Variants in DGKD observed in about 807,000 individuals in gnomAD.
DGKD encodes diacylglycerol kinase delta.
Under a neutral mutation model 154.4 loss-of-function variants are expected in DGKD, and 68 were observed. That is an observed-to-expected ratio of 0.44 (90% CI 0.36 to 0.54). The LOEUF (loss-of-function observed/expected upper bound fraction) is 0.54. DGKD is among the 20% of genes least tolerant of loss of function. The pLI, the probability that DGKD is intolerant of heterozygous loss-of-function variation, is 0.00. For synonymous variants in DGKD, 693 were observed against 638.0 expected (o/e 1.09, Z -1.30); for missense variants, 1,343 against 1,593.6 (o/e 0.84, Z 2.68).
intron 3 of DGKD, among the ~76,000 whole-genome samples, chr2:233,397,165 G>C (rs187986639): frequency 3.5e-5 from 3 of 85,334 alleles, no homozygotes; most frequent in Non-Finnish European, 6.7e-5. Context: ...CTGCGGGGGG[G>C]GCCAGAGTGA....
At chr2:233,356,206 C>T (rs756330411) in intron 1 of DGKD, among the ~76,000 whole-genome samples, 3 of 152,190 alleles carry the variant, frequency 2.0e-5, no homozygotes, top group Non-Finnish European at 4.4e-5. Flanking sequence ...TTGAACCTTG[C>T]GTCTAGAGCT....
intron 1 of DGKD, among the ~76,000 whole-genome samples, chr2:233,377,985 A>AT (rs1302003009): frequency 1.3e-5 from 2 of 151,650 alleles, no homozygotes; most frequent in East Asian, 3.9e-4. Context: ...AATTATTATT[A>AT]TTTTTTGTAG....
At position 233,379,234 on chromosome 2, in the gene DGKD, T is replaced by G. The variant is rs180925243; in HGVS notation, c.157-9023T>G. 3.7e-3 allele frequency among the ~76,000 whole-genome samples: 561 copies of G among 152,068 alleles called. 1 individual carries two copies. The highest frequency in any genetic ancestry group is 5.0e-3 in the Non-Finnish European group (342 of 67,978). On this transcript the variant is annotated intron_variant, in intron 1 of 29. Coordinates refer to ENST00000264057, the MANE Select transcript of DGKD (RefSeq NM_152879.3). ...GTCTGGGAAGACTTCCCGAAGGTGG[T>G]GGTATTTGACTTGGGTCTCAAAGCT...
intron 3 of DGKD, among the ~76,000 whole-genome samples, chr2:233,394,691 CTTTTTTTTTTTT>C (rs1162430401): frequency 5.3e-4 from 14 of 26,382 alleles, no homozygotes; most frequent in Middle Eastern, 0.025. Context: ...ATTTAATTCC[CTTTTTTTTTTTT>C]TTTTTTTTTT....
rs768824144 is a variant in DGKD, at chr2:233,451,980, G to A, written c.2184G>A (p.Met728Ile). ...KILYPNVRAG[M>I]SGSLPGGSVI... is the part of the protein sequence containing the mutation. ...CCTTTACAGATGTCCGGGCTGGAAT[G>A]TCTGGTTCCTTACCCGGTGGCTCAG... is the stretch of plus-strand genomic sequence containing the variant. The change falls in exon 18 of 30, where the codon ATG (methionine) becomes ATA (isoleucine). Residue 728 changes from methionine (M) to isoleucine (I), a missense_variant. Met to Ile is a conservative substitution (Grantham distance 10). Transcript: ENST00000264057. 1.9e-6 allele frequency: 3 copies of A among 1,614,018 alleles called. No homozygotes were observed. Among genetic ancestry groups the A allele is most frequent in the South Asian group, 2.2e-5 (2 of 91,084 alleles).
chr2:233,438,422 T>C lies in DGKD; in HGVS notation c.1085+43T>C, dbSNP rs758802900. 4 of 1,566,870 alleles carry C rather than the reference T, an allele frequency of 2.6e-6. No homozygotes were observed. Among genetic ancestry groups the C allele is most frequent in the Non-Finnish European group, 3.5e-6 (4 of 1,154,808 alleles). ...TATATCTTTCTTGGAGTTTTAAAAATTGTGTAGATAGTGTGTGCTTGTTAA... is the reference window on the plus strand; with the variant it reads ...TATATCTTTCTTGGAGTTTTAAAAACTGTGTAGATAGTGTGTGCTTGTTAA... On this transcript the variant is annotated intron_variant, in intron 9 of 29. Coordinates refer to ENST00000264057, the MANE Select transcript of DGKD (RefSeq NM_152879.3). This position sits in a 1 kb window ranked among gnomAD's most constrained non-coding sequence, Gnocchi z 4.1.
rs1047174948 is a variant in DGKD at position 233,438,378 on chromosome 2, G to A, written c.1084G>A (p.Gly362Ser). 6.2e-7 allele frequency: 1 copy of A among 1,606,388 alleles called. No individual in the cohort carries two copies. Among genetic ancestry groups the A allele is most frequent in the Non-Finnish European group, 8.5e-7 (1 of 1,175,368 alleles). ...CCTCATGAACGGAGGCCCACACCTCGGGTAGGAAGCTTGTAAAATATATCT... is the reference window on the plus strand; with the variant it reads ...CCTCATGAACGGAGGCCCACACCTCAGGTAGGAAGCTTGTAAAATATATCT... Reference protein sequence around the residue: ...FDLMNGGPHLGLRLFQKFDTF... With the variant: ...FDLMNGGPHLSLRLFQKFDTF... Residue 362 changes from glycine (G) to serine (S), a missense_variant and splice_region_variant, in exon 9 of 30, where the codon GGC becomes AGC. Physicochemically the swap from Gly to Ser is moderately conservative, Grantham distance 56 (BLOSUM62 0). Coordinates refer to ENST00000264057, the MANE Select transcript of DGKD (RefSeq NM_152879.3). The surrounding 1 kb of genome is among the most constrained non-coding windows in gnomAD (Gnocchi z 4.1).
chr2:233,427,132 ACTC>A lies in DGKD; in HGVS notation c.349-7241_349-7239del, dbSNP rs1417759741. Among the ~76,000 whole-genome samples, 6 of 151,074 alleles carry A rather than the reference ACTC, an allele frequency of 4.0e-5. No individual in the cohort carries two copies. The South Asian group carries it at 1.1e-3, about 26-fold the overall frequency. ...GAGAAATGCATCCACCATTTTATCC[ACTC>A]CTCCTCTGTGACATCACGTTTCTTT... On this transcript the variant is annotated intron_variant, in intron 3 of 29. Transcript: ENST00000264057.
chr2:233,376,051 T>C (rs1156433759), intron 1 of DGKD, among the ~76,000 whole-genome samples: 1 of 152,160 alleles, frequency 6.6e-6, no homozygotes, highest in East Asian at 1.9e-4. Context: ...TTTTGTTCTG[T>C]AGGTTTCGCA....
intron 3 of DGKD, among the ~76,000 whole-genome samples, chr2:233,405,195 G>A (rs1388133075): frequency 1.3e-5 from 2 of 152,238 alleles, no homozygotes; most frequent in African/African-American, 4.8e-5. Flanking sequence ...TGAAGCGCCA[G>A]TGCAACAGTA....
At chr2:233,423,395 A>G (rs976617948) in intron 3 of DGKD, among the ~76,000 whole-genome samples, 2 of 152,118 alleles carry the variant, frequency 1.3e-5, no homozygotes, top group Non-Finnish European at 2.9e-5. Flanking sequence ...CACTTTCTCC[A>G]TATTCTCTCC....
chr2:233,370,587 T>TTGTTGTTG (rs1702269313), intron 1 of DGKD, among the ~76,000 whole-genome samples: 3 of 150,868 alleles, frequency 2.0e-5, no homozygotes, highest in African/African-American at 7.3e-5. Context: ...TTTTTTTTTT[T>TTGTTGTTG]TTGTTTGAGT....
rs1355139604 is a variant in DGKD, at chr2:233,438,022, CAGAT to C, written c.923-194_923-191del. On this transcript the variant is annotated intron_variant, in intron 8 of 29. Transcript: ENST00000264057. This position sits in a 1 kb window ranked among gnomAD's most constrained non-coding sequence, Gnocchi z 4.1. ...TTGGACAGCTTGTGAATGTGGAGGT[CAGAT>C]GGATGGGGCTCCCGGCCTCACACAT... Among the ~76,000 whole-genome samples, 1 of 152,164 alleles carries C rather than the reference CAGAT, an allele frequency of 6.6e-6. No homozygotes were observed. Among genetic ancestry groups the C allele is most frequent in the African/African-American group, 2.4e-5 (1 of 41,416 alleles).
rs1575023951 is a variant in DGKD, at chr2:233,390,561, C to G, written c.348+78C>G. 5 of 1,074,080 alleles carry G rather than the reference C, an allele frequency of 4.7e-6. No homozygotes were observed. The East Asian group carries it at 9.7e-5, about 21-fold the overall frequency. 66.5% of individuals were successfully genotyped at this position (1,074,080 alleles called of 1,614,324 possible). A position where few individuals can be genotyped will look rare whatever the true frequency, so the allele number is the denominator to read the frequency against. ...TTTTTGATCTGAACATGTGTCCAAGCAGTTCAAACGTTTTCATTCTTTTCT... is the reference window on the plus strand; with the variant it reads ...TTTTTGATCTGAACATGTGTCCAAGGAGTTCAAACGTTTTCATTCTTTTCT... On this transcript the variant is annotated intron_variant, in intron 3 of 29. Transcript: ENST00000264057.
intron 3 of DGKD, among the ~76,000 whole-genome samples, chr2:233,410,294 C>T (rs58489211): frequency 0.03 from 4,635 of 152,204 alleles, 229 homozygotes; most frequent in African/African-American, 0.11. Context: ...ACCTTGGAGG[C>T]AGGAGCCTTG....
chr2:233,437,080 T>G (rs900735598), intron 7 of DGKD, among the ~76,000 whole-genome samples: 3 of 152,190 alleles, frequency 2.0e-5, no homozygotes, highest in Admixed American at 2.0e-4. Context: ...CCTGAAAGTT[T>G]GAGGTAGCTG....
intron 3 of DGKD, among the ~76,000 whole-genome samples, chr2:233,397,756 G>C: frequency 6.6e-6 from 1 of 152,096 alleles, no homozygotes. Flanking sequence ...AGGGGAGGGA[G>C]GTTTGTAGGA....
chr2:233,424,600 G>T (rs539072330), intron 3 of DGKD, among the ~76,000 whole-genome samples: 1 of 152,294 alleles, frequency 6.6e-6, no homozygotes, highest in South Asian at 2.1e-4. Context: ...CCCTGCCTCC[G>T]GCCCACTGGC....
intron 27 of DGKD, among the ~76,000 whole-genome samples, 185 bp from the exon 28 acceptor site, chr2:233,466,901 C>T (rs769466608): frequency 6.6e-6 from 1 of 152,210 alleles, no homozygotes; most frequent in Non-Finnish European, 1.5e-5. Context: ...CACTTTAACA[C>T]TCACTAAAAT....
Sources: gnomAD v4.1 joint callset for allele counts (sites outside exome capture counted in the v4.1 genomes callset) on GRCh38, gnomAD v4.1.1 for gene constraint, Gnocchi (gnomAD v3.1) non-coding constraint, MANE v1.5 for transcripts, NCBI Gene and HGNC (gene_info 2026-07-23, HGNC 2026-07-21) for gene names.